The following CREBRF variants were observed in gnomAD, a reference collection of about 807,000 sequenced individuals.
The protein encoded by CREBRF is CREB3 regulatory factor.
Under a neutral mutation model 66.1 loss-of-function variants are expected in CREBRF, and 5 were observed. The observed-to-expected ratio is 0.08, with a 90% CI of 0.04 to 0.16. The LOEUF (loss-of-function observed/expected upper bound fraction) is 0.16. Among genes scored for constraint, CREBRF ranks in the 10% least tolerant of loss-of-function variants. The pLI, the probability that CREBRF is intolerant of heterozygous loss-of-function variation, is 1.00. For missense variants in CREBRF, 531 were observed against 744.9 expected, an observed-to-expected ratio of 0.71 and a Z score of 3.34; for synonymous variants, 229 against 264.4, an observed-to-expected ratio of 0.87 and a Z score of 1.30.
At position 173,138,309 on chromosome 5, in the gene CREBRF, T is replaced by A. The variant is rs771632094; in HGVS notation, c.*4564T>A. On this transcript the variant is annotated 3_prime_UTR_variant, in exon 9 of 9. Coordinates refer to ENST00000296953, the MANE Select transcript of CREBRF (RefSeq NM_153607.3). ...GTGGTTTCGTTTTAAGGAATAAGCA[T>A]GTTGGGGAAAGATGATGAAAATGTA... The A allele has an allele frequency of 6.6e-6, 1 of 152,196 alleles. No homozygotes were observed. Among genetic ancestry groups the A allele is most frequent in the Non-Finnish European group, 1.5e-5 (1 of 68,028 alleles). 9.4% of individuals were successfully genotyped at this position (152,196 alleles called of 1,614,324 possible).
chr5:173,091,138 C>G lies in CREBRF; in HGVS notation c.959C>G (p.Ser320Cys), dbSNP rs769975959. 6.2e-7 allele frequency: 1 copy of G among 1,614,230 alleles called. No individual in the cohort carries two copies. The highest frequency in any genetic ancestry group is 8.5e-7 in the Non-Finnish European group (1 of 1,180,046). Reference sequence around the variant, plus strand: ...GCAGCAGGAGAGAGCAGCAGTCTTTCTGCCAGTACATCAGTCTCAGATTCA... The same window carrying G: ...GCAGCAGGAGAGAGCAGCAGTCTTTGTGCCAGTACATCAGTCTCAGATTCA... ...SLAAGESSSL[S>C]ASTSVSDSSQ... The change falls in exon 4 of 9, where the codon TCT becomes TGT. Residue 320 changes from serine to cysteine, a missense_variant. Around this residue, in one of 5 missense-constraint regions of CREBRF, gnomAD observed 309 missense variants for 341.4 expected, o/e 0.90. Coordinates refer to ENST00000296953, the MANE Select transcript of CREBRF (RefSeq NM_153607.3).
intron 8 of CREBRF, chr5:173,124,006 C>T (rs959271284): frequency 6.6e-6 from 1 of 152,028 alleles, no homozygotes; most frequent in African/African-American, 2.4e-5. Flanking sequence ...GCATTTCTTT[C>T]TTTTCTTTCC....
intron 4 of CREBRF, among the ~76,000 whole-genome samples, chr5:173,100,074 T>A (rs558832439): frequency 3.7e-4 from 31 of 83,774 alleles, no homozygotes; most frequent in African/African-American, 1.2e-3. Context: ...ACCTGGCTAA[T>A]CTTTTGTGTG....
chr5:173,110,599 G>A lies in CREBRF; in HGVS notation c.1495G>A (p.Gly499Ser), dbSNP rs1271078276. ...AAATCCTAAAAAACTCCTCCAGATA[G>A]GCAATGAACTTCGGAAACTGAATAA... ...TPNPKKLLQI[G>S]NELRKLNKVI... is the part of the protein sequence containing the mutation. Residue 499 changes from glycine to serine, a missense_variant, in exon 6 of 9, where the codon GGC becomes AGC. Transcript: ENST00000296953. The A allele has an allele frequency of 6.2e-7, 1 of 1,613,996 alleles. No homozygotes were observed. Among genetic ancestry groups the A allele is most frequent in the Non-Finnish European group, 8.5e-7 (1 of 1,179,878 alleles).
At chr5:173,091,541 G>T in intron 4 of CREBRF, 140 bp downstream of exon 4, 4 of 1,453,598 alleles carry the variant, frequency 2.8e-6, no homozygotes, top group Non-Finnish European at 3.6e-6. Context: ...GATTGGATAT[G>T]TAATTGGTTT....
chr5:173,058,037 C>CTTT (rs562447555), intron 1 of CREBRF, among the ~76,000 whole-genome samples: 1 of 143,000 alleles, frequency 7.0e-6, no homozygotes, highest in Admixed American at 7.0e-5. Flanking sequence ...CCTGGAATTT[C>CTTT]TTTTTTTTTT....
At chr5:173,065,206 GGTGTTTGAACTTAGTTTTGAAGATTA>G (rs1757398899) in intron 1 of CREBRF, among the ~76,000 whole-genome samples, 1 of 152,122 alleles carries the variant, frequency 6.6e-6, no homozygotes, top group African/African-American at 2.4e-5. Context: ...TTGAAAAAGT[GGTGTTTGAACTTAGTTTTGAAGATTA>G]GTGAAGGAGG....
intron 6 of CREBRF, 130 bp from the exon 7 acceptor site, chr5:173,112,176 G>A: frequency 1.9e-6 from 1 of 533,656 alleles, no homozygotes; most frequent in Non-Finnish European, 3.2e-6. Context: ...GGCCAAAAAG[G>A]GAGGATCACT....
intron 1 of CREBRF, among the ~76,000 whole-genome samples, chr5:173,059,049 T>C (rs1261024585): frequency 6.6e-6 from 1 of 151,748 alleles, no homozygotes; most frequent in Non-Finnish European, 1.5e-5. Flanking sequence ...TCCACCCACC[T>C]CAGCTTCCAA....
intron 7 of CREBRF, among the ~76,000 whole-genome samples, chr5:173,115,592 C>T (rs1050851598): frequency 1.3e-5 from 2 of 152,040 alleles, no homozygotes; most frequent in East Asian, 1.9e-4. Context: ...AGCTCTACTT[C>T]CTTGTTCAGT....
At chr5:173,076,057 C>CAAAAAAAAA (rs35215379) in intron 1 of CREBRF, among the ~76,000 whole-genome samples, 1 of 92,580 alleles carries the variant, frequency 1.1e-5, no homozygotes, top group African/African-American at 4.1e-5. Context: ...CCCATCTCTA[C>CAAAAAAAAA]AAAAAAAAAA....
intron 7 of CREBRF, among the ~76,000 whole-genome samples, chr5:173,118,090 G>A (rs1046067007): frequency 5.9e-5 from 9 of 152,128 alleles, no homozygotes; most frequent in Non-Finnish European, 1.0e-4. Flanking sequence ...TAGCCAGGAT[G>A]GTCTCGATCT....
At chr5:173,082,558 C>T (rs189183201) in intron 2 of CREBRF, among the ~76,000 whole-genome samples, 1 of 149,928 alleles carries the variant, frequency 6.7e-6, no homozygotes, top group Non-Finnish European at 1.5e-5. Context: ...AGATTAATAC[C>T]ATTTAAAAAC....
intron 7 of CREBRF, among the ~76,000 whole-genome samples, chr5:173,118,303 C>A (rs1046704471): frequency 6.6e-6 from 1 of 152,196 alleles, no homozygotes; most frequent in African/African-American, 2.4e-5. Flanking sequence ...CATGAGCCAC[C>A]ATGCCTGGCC....
At chr5:173,066,045 C>G (rs868559414) in intron 1 of CREBRF, among the ~76,000 whole-genome samples, 2 of 151,914 alleles carry the variant, frequency 1.3e-5, no homozygotes, top group Non-Finnish European at 2.9e-5. Flanking sequence ...CTCAAACTCC[C>G]GGTGTCAAAC....
intron 4 of CREBRF, among the ~76,000 whole-genome samples, chr5:173,098,863 G>A (rs1387292108): frequency 6.7e-6 from 1 of 149,104 alleles, no homozygotes; most frequent in Non-Finnish European, 1.5e-5. Flanking sequence ...TCTTGTGATA[G>A]TTGTTATTTT....
chr5:173,067,457 G>T (rs1757466205), intron 1 of CREBRF, among the ~76,000 whole-genome samples: 3 of 152,102 alleles, frequency 2.0e-5, no homozygotes, highest in Non-Finnish European at 4.4e-5. Context: ...ATTTAAAGAG[G>T]ATACCTCTTT....
chr5:173,129,027 G>A (rs900571276), intron 8 of CREBRF, among the ~76,000 whole-genome samples: 1 of 147,862 alleles, frequency 6.8e-6, no homozygotes, highest in Non-Finnish European at 1.5e-5. Flanking sequence ...TGATCCACCC[G>A]CCTCGGCCTC....
At chr5:173,082,922 A>C (rs1188933764) in intron 2 of CREBRF, among the ~76,000 whole-genome samples, 2 of 137,002 alleles carry the variant, frequency 1.5e-5, no homozygotes, top group Admixed American at 7.2e-5. Flanking sequence ...AAAAAAAAAA[A>C]AAAAAAAAAA....
Sources: gnomAD v4.1 joint callset for allele counts (sites outside exome capture counted in the v4.1 genomes callset) on GRCh38, gnomAD v4.1.1 for gene constraint, gnomAD v4.1.1 regional missense constraint, MANE v1.5 for transcripts, NCBI Gene and HGNC (gene_info 2026-07-23, HGNC 2026-07-21) for gene names.